The following AKNA variants were observed in gnomAD, a reference collection of about 807,000 sequenced individuals.
AKNA encodes microtubule organization protein AKNA.
In AKNA, 67 loss-of-function variants were observed where a neutral mutation model predicts 138.8. That is an observed-to-expected ratio of 0.48 (90% CI 0.40 to 0.59). The LOEUF is 0.59. Among genes scored for constraint, AKNA ranks in the 20% least tolerant of loss-of-function variants. The pLI is 0.00. For synonymous variants in AKNA, 737 were observed against 754.4 expected, an observed-to-expected ratio of 0.98 and a Z score of 0.38; for missense variants, 1,813 against 1,880.4, an observed-to-expected ratio of 0.96 and a Z score of 0.66.
chr9:114,380,930 C>G, intron 2 of AKNA, 130 bp downstream of exon 2: 1 of 1,115,462 alleles, frequency 9.0e-7, no homozygotes, highest in South Asian at 2.1e-5. Flanking sequence ...CTGTAGTGAG[C>G]CGAGATCGTG....
chr9:114,369,089 C>T (rs1015710324), intron 4 of AKNA, among the ~76,000 whole-genome samples: 1 of 152,222 alleles, frequency 6.6e-6, no homozygotes, highest in Non-Finnish European at 1.5e-5. Context: ...AATAGCTATT[C>T]GAATGAATGA....
intron 18 of AKNA, 71 bp from the exon 19 acceptor site, chr9:114,343,874 T>A (rs1830515266): frequency 7.5e-7 from 1 of 1,333,298 alleles, no homozygotes; most frequent in Non-Finnish European, 1.0e-6. Flanking sequence ...GATTCTGGAA[T>A]AATGATCTCC....
chr9:114,379,941 A>G (rs1013872305), intron 2 of AKNA, among the ~76,000 whole-genome samples: 2 of 152,224 alleles, frequency 1.3e-5, no homozygotes, highest in Non-Finnish European at 2.9e-5. Context: ...ACTTCAGGCC[A>G]GGAGTTTGAG....
upstream of AKNA, among the ~76,000 whole-genome samples, chr9:114,390,038 C>T (rs1834276543): frequency 6.6e-6 from 1 of 152,164 alleles, no homozygotes; most frequent in African/African-American, 2.4e-5. Context: ...GCTCCCCTGA[C>T]ACCCTGTCAC....
chr9:114,382,111 G>T (rs1360946138), intron 1 of AKNA, among the ~76,000 whole-genome samples: 2 of 152,202 alleles, frequency 1.3e-5, no homozygotes, highest in African/African-American at 4.8e-5. Flanking sequence ...TGATGGCCCA[G>T]GAGGAAGCAG....
chr9:114,393,970 C>T lies in AKNA; in HGVS notation c.-114+387G>A, dbSNP rs927251651. Reference sequence around the variant, plus strand: ...GGAGGATCACCTGAGGTCAGGAGTTCGAGACCAGCCTGGTCAACATGGCGA... The same window carrying T: ...GGAGGATCACCTGAGGTCAGGAGTTTGAGACCAGCCTGGTCAACATGGCGA... On this transcript the variant is annotated intron_variant, in intron 1 of 21. Transcript: ENST00000307564. Among the ~76,000 whole-genome samples, 7 of 151,992 alleles carry T rather than the reference C, an allele frequency of 4.6e-5. No individual in the cohort carries two copies. In the Middle Eastern group the frequency reaches 0.01, roughly 222 times the overall value.
At position 114,335,385 on chromosome 9, in the gene AKNA, C is replaced by T. The variant is rs1369496694; in HGVS notation, c.*1669G>A. 1 of 152,282 alleles carries T rather than the reference C, an allele frequency of 6.6e-6. No homozygotes were observed. The highest frequency in any genetic ancestry group is 1.5e-5 in the Non-Finnish European group (1 of 68,100). The allele number at this position is 152,282 out of a possible 1,614,324, so 9.4% of individuals were successfully genotyped here. A position where few individuals can be genotyped will look rare whatever the true frequency, so the allele number is the denominator to read the frequency against. ...AGAGTGAGGGTCCTGAGGGTTAGCA[C>T]ATGGACTGTGTGAAGCAGACAATGC... On this transcript the variant is annotated 3_prime_UTR_variant, in exon 22 of 22. Transcript: ENST00000374088.
At chr9:114,358,274 G>A in intron 11 of AKNA, 107 bp from the exon 12 acceptor site, 1 of 1,483,792 alleles carries the variant, frequency 6.7e-7, no homozygotes, top group Non-Finnish European at 9.1e-7. Flanking sequence ...TCTGGAGTCA[G>A]ACATCCCTGG....
chr9:114,378,730 T>C (rs540430990), intron 2 of AKNA, among the ~76,000 whole-genome samples: 1 of 152,286 alleles, frequency 6.6e-6, no homozygotes, highest in Admixed American at 6.5e-5. Context: ...CATCCATCCA[T>C]CTACCCACCC....
rs372844094 is a variant in AKNA, at chr9:114,356,444, G to A, written c.2847-308C>T. On this transcript the variant is annotated intron_variant, in intron 13 of 21. Coordinates refer to ENST00000374088, the MANE Select transcript of AKNA (RefSeq NM_001317950.2). The stretch of plus-strand genomic sequence containing the variant: ...GGGTTGCCATGTGGGCCTCCTGAAG[G>A]GCCTGCACCCAGCTTTGGAGGCTCC... Among the ~76,000 whole-genome samples the A allele has an allele frequency of 1.1e-3, 165 of 152,148 alleles. 3 individuals carry two copies. The South Asian group carries it at 0.033, about 31-fold the overall frequency.
At chr9:114,391,519 G>A (rs561184556), upstream of AKNA, among the ~76,000 whole-genome samples, 4 of 152,238 alleles carry the variant, frequency 2.6e-5, no homozygotes, top group South Asian at 2.1e-4. Context: ...GAAGAGATTC[G>A]TTCCTGGTCA....
At chr9:114,364,406 C>G (rs148656743) in intron 7 of AKNA, among the ~76,000 whole-genome samples, 154 bp downstream of exon 7, 213 of 152,284 alleles carry the variant, frequency 1.4e-3, no homozygotes, top group African/African-American at 4.8e-3. Context: ...TGATCGTTAT[C>G]ATGGGAAGCT....
chr9:114,337,361 G>A lies in AKNA; in HGVS notation c.4068-55C>T, dbSNP rs78422742. The A allele has an allele frequency of 2.5e-4, 349 of 1,377,746 alleles. No individual in the cohort carries two copies. The African/African-American group carries it at 4.4e-3, about 17-fold the overall frequency. The allele number at this position is 1,377,746 out of a possible 1,614,324, so 85.3% of individuals were successfully genotyped here. ...ACATGGGGAGGGCTGGGGACAAGCC[G>A]AGGAGCACCGTGTGTGGGGTCAACC... On this transcript the variant is annotated intron_variant, in intron 21 of 21. Coordinates refer to ENST00000374088, the MANE Select transcript of AKNA (RefSeq NM_001317950.2).
rs555149795 is a variant in AKNA, at chr9:114,361,756, G to C, written c.2072C>G (p.Pro691Arg). ...LPCLHQPTHL[P>R]APSGQAPMPA... ...CATGGGGGCTTGTCCAGAAGGAGCA[G>C]GCAGGTGCGTTGGCTGATGGAGGCA... The change falls in exon 9 of 22, where the codon CCT becomes CGT. Residue 691 changes from proline to arginine, a missense_variant. By Grantham distance (103) the Pro-to-Arg change is moderately radical. Transcript: ENST00000374088. 1.7e-4 allele frequency: 272 copies of C among 1,613,762 alleles called. 2 individuals carry two copies. The South Asian group carries it at 2.9e-3, about 17-fold the overall frequency.
intron 1 of AKNA, among the ~76,000 whole-genome samples, chr9:114,385,703 C>T (rs530022352): frequency 3.0e-4 from 46 of 152,194 alleles, no homozygotes; most frequent in Middle Eastern, 6.3e-3. Flanking sequence ...TGCCCCCAGG[C>T]GCCTAAACCA....
intron 4 of AKNA, among the ~76,000 whole-genome samples, chr9:114,372,294 C>A (rs1832825240): frequency 6.6e-6 from 1 of 152,056 alleles, no homozygotes; most frequent in Admixed American, 6.6e-5. Context: ...ACACATGAGC[C>A]AGGGGTCTGG....
intron 18 of AKNA, chr9:114,345,150 C>CA (rs1333797147): frequency 6.6e-6 from 1 of 152,044 alleles, no homozygotes; most frequent in Non-Finnish European, 1.5e-5. Flanking sequence ...GATCTTGGCT[C>CA]ACTGCAACCT....
In AKNA at chr9:114,342,331, C is replaced by G. The variant is rs531214592; in HGVS notation, c.3758-206G>C. On this transcript the variant is annotated intron_variant, in intron 19 of 21. Coordinates refer to ENST00000374088, the MANE Select transcript of AKNA (RefSeq NM_001317950.2). ...AGCCAGGCCCTCTGCTAAGGGCCTT[C>G]CTGCATTATTTTATCAAATCCAACA... Among the ~76,000 whole-genome samples the G allele has an allele frequency of 8.5e-5, 13 of 152,274 alleles. No individual in the cohort carries two copies. The South Asian group carries it at 2.1e-3, about 24-fold the overall frequency.
intron 6 of AKNA, 139 bp downstream of exon 6, chr9:114,367,404 G>T: frequency 1.9e-6 from 2 of 1,048,506 alleles, no homozygotes; most frequent in Non-Finnish European, 2.7e-6. Flanking sequence ...CATGTTTTGG[G>T]GATGGCTGAG....
Sources: allele counts gnomAD v4.1 joint callset (sites outside exome capture counted in the v4.1 genomes callset), GRCh38; gene constraint gnomAD v4.1.1; transcripts MANE v1.5; gene names NCBI Gene and HGNC (gene_info 2026-07-23, HGNC 2026-07-21).